CREB5: variants seen among roughly 807,000 people sequenced by gnomAD.
CREB5 encodes the protein cyclic AMP-responsive element-binding protein 5.
Under a neutral mutation model 57.1 loss-of-function variants are expected in CREB5, and 19 were observed. That is an observed-to-expected ratio of 0.33 (90% CI 0.23 to 0.49). The LOEUF (loss-of-function observed/expected upper bound fraction) is 0.49, where lower values mean the gene tolerates loss of function less well. Among genes scored for constraint, CREB5 ranks in the 20% least tolerant of loss-of-function variants. The pLI is 0.99. For missense variants in CREB5, 579 were observed against 671.6 expected, an observed-to-expected ratio of 0.86 and a Z score of 1.52; for synonymous variants, 238 against 238.3, an observed-to-expected ratio of 1.00 and a Z score of 0.01.
chr7:28,447,582 C>T (rs753334454), intron 1 of CREB5, among the ~76,000 whole-genome samples: 10 of 152,152 alleles, frequency 6.6e-5, no homozygotes, highest in Non-Finnish European at 1.5e-4. Context: ...ATGGAGCTTG[C>T]TGCCTGAACA....
chr7:28,471,018 C>G (rs1002449489), intron 1 of CREB5, among the ~76,000 whole-genome samples: 1 of 152,066 alleles, frequency 6.6e-6, no homozygotes, highest in African/African-American at 2.4e-5. Flanking sequence ...TTTCTCCTAT[C>G]CTTGGATTGT....
chr7:28,429,120 G>C (rs1164513228), intron 1 of CREB5, among the ~76,000 whole-genome samples: 1 of 152,072 alleles, frequency 6.6e-6, no homozygotes, highest in Non-Finnish European at 1.5e-5. Context: ...CCCCCTCCCT[G>C]GTTCAAGCGA....
At chr7:28,505,410 T>C (rs1371957235) in intron 3 of CREB5, among the ~76,000 whole-genome samples, 1 of 152,246 alleles carries the variant, frequency 6.6e-6, no homozygotes, top group Admixed American at 6.5e-5. Flanking sequence ...CTTCGGGCTA[T>C]GAACAGTGAC....
intron 5 of CREB5, among the ~76,000 whole-genome samples, chr7:28,637,487 A>G (rs1798470263): frequency 6.6e-6 from 1 of 152,222 alleles, no homozygotes; most frequent in Non-Finnish European, 1.5e-5. Flanking sequence ...GTCAATGTGA[A>G]AGAAACAAGT....
chr7:28,720,702 C>A (rs1802982747), intron 6 of CREB5, among the ~76,000 whole-genome samples: 1 of 152,160 alleles, frequency 6.6e-6, no homozygotes, highest in South Asian at 2.1e-4. Flanking sequence ...CCTTAGACCC[C>A]TTTACATGAA....
rs528246021 is a variant in CREB5, at chr7:28,414,026, G to A, written c.3+1109G>A. 5.9e-5 allele frequency among the ~76,000 whole-genome samples: 9 copies of A among 151,576 alleles called. No homozygotes were observed. The South Asian group carries it at 1.7e-3, about 28-fold the overall frequency. On this transcript the variant is annotated intron_variant, in intron 1 of 10. Transcript: ENST00000357727. ...TTACTAAGCTAAAAATTATTTTGTCGGTGTGTAGTGTTCACTAGATCACTA... is the reference window on the plus strand; with the variant it reads ...TTACTAAGCTAAAAATTATTTTGTCAGTGTGTAGTGTTCACTAGATCACTA...
At chr7:28,504,759 C>G (rs116519690) in intron 3 of CREB5, among the ~76,000 whole-genome samples, 3 of 152,070 alleles carry the variant, frequency 2.0e-5, no homozygotes, top group Non-Finnish European at 4.4e-5. Context: ...AGGGCAAGTG[C>G]GAGTAGGAAC....
intron 2 of CREB5, among the ~76,000 whole-genome samples, chr7:28,490,193 C>T (rs535019598): frequency 1.3e-5 from 2 of 152,192 alleles, no homozygotes; most frequent in Non-Finnish European, 2.9e-5. Flanking sequence ...ACATATGTGT[C>T]CGTGTCCTCA....
At chr7:28,368,192 A>C (rs111861052) in intron 1 of CREB5, among the ~76,000 whole-genome samples, 6 of 152,306 alleles carry the variant, frequency 3.9e-5, no homozygotes, top group Admixed American at 3.9e-4. Context: ...GGGCTAAGCT[A>C]TGGATGTGCA....
chr7:28,736,333 C>A (rs1279512456), intron 7 of CREB5, among the ~76,000 whole-genome samples: 4 of 152,010 alleles, frequency 2.6e-5, no homozygotes. Context: ...CCACGCCCGG[C>A]TAATTTTGTA....
chr7:28,343,123 G>A (rs570716086), intron 1 of CREB5, among the ~76,000 whole-genome samples: 1 of 152,130 alleles, frequency 6.6e-6, no homozygotes, highest in East Asian at 1.9e-4. Context: ...TATATTTTTA[G>A]TAGAGACAGG....
At chr7:28,319,488 CT>C (rs1273147019) in intron 1 of CREB5, among the ~76,000 whole-genome samples, 1 of 152,172 alleles carries the variant, frequency 6.6e-6, no homozygotes, top group Non-Finnish European at 1.5e-5. Context: ...TTGTTATTCT[CT>C]GAACAAAAGA....
intron 5 of CREB5, among the ~76,000 whole-genome samples, chr7:28,637,692 G>A (rs1370955705): frequency 6.6e-6 from 1 of 152,194 alleles, no homozygotes; most frequent in Non-Finnish European, 1.5e-5. Flanking sequence ...GCACTTTGGT[G>A]GGGAAGAACT....
intron 1 of CREB5, among the ~76,000 whole-genome samples, chr7:28,433,002 T>G (rs1282250229): frequency 6.6e-6 from 1 of 152,230 alleles, no homozygotes; most frequent in Non-Finnish European, 1.5e-5. Context: ...ATGATTTATT[T>G]TTTTGAAAAT....
At chr7:28,458,949 T>C (rs992373153) in intron 1 of CREB5, among the ~76,000 whole-genome samples, 4 of 152,196 alleles carry the variant, frequency 2.6e-5, no homozygotes, top group Admixed American at 2.6e-4. Context: ...CTGGCCTGTA[T>C]TGCTCCCTGA....
upstream of CREB5, among the ~76,000 whole-genome samples, chr7:28,408,250 G>A (rs948507792): frequency 2.0e-5 from 3 of 152,208 alleles, no homozygotes; most frequent in Non-Finnish European, 4.4e-5. Context: ...CTGGTACCCG[G>A]GTTGGTGTGA....
intron 4 of CREB5, among the ~76,000 whole-genome samples, chr7:28,534,065 C>A (rs1347112411): frequency 6.6e-6 from 1 of 152,206 alleles, no homozygotes; most frequent in Non-Finnish European, 1.5e-5. Context: ...CCTGACAACA[C>A]TGGGGGGAAG....
At chr7:28,459,116 C>T (rs1415819240) in intron 1 of CREB5, among the ~76,000 whole-genome samples, 1 of 152,176 alleles carries the variant, frequency 6.6e-6, no homozygotes, top group Non-Finnish European at 1.5e-5. Flanking sequence ...TCCACTAACG[C>T]CCCAGTGAAA....
chr7:28,756,478 C>G (rs1342106721), intron 7 of CREB5, among the ~76,000 whole-genome samples: 1 of 151,714 alleles, frequency 6.6e-6, no homozygotes, highest in Non-Finnish European at 1.5e-5. Flanking sequence ...ATCGCTTGAA[C>G]CTGGGAGGCG....
Sources: gnomAD v4.1 joint callset for allele counts (sites outside exome capture counted in the v4.1 genomes callset) on GRCh38, gnomAD v4.1.1 for gene constraint, MANE v1.5 for transcripts, NCBI Gene and HGNC (gene_info 2026-07-23, HGNC 2026-07-21) for gene names.